Variants in ITPKB observed in about 807,000 individuals in gnomAD.
ITPKB encodes IP3 3-kinase B.
In ITPKB, 13 loss-of-function variants were observed where a neutral mutation model predicts 69.4. The observed-to-expected ratio is 0.19, with a 90% CI of 0.12 to 0.30. The LOEUF is 0.30. ITPKB is among the 10% of genes least tolerant of loss of function. The pLI, the probability that ITPKB is intolerant of heterozygous loss-of-function variation, is 1.00. For synonymous variants in ITPKB, 584 were observed against 513.7 expected (o/e 1.14, Z -1.85); for missense variants, 1,240 against 1,250.5 (o/e 0.99, Z 0.13).
intron 2 of ITPKB, among the ~76,000 whole-genome samples, chr1:226,725,375 G>A (rs991596165): frequency 6.6e-5 from 10 of 152,228 alleles, no homozygotes; most frequent in African/African-American, 2.2e-4. Context: ...CCAGCTCCGT[G>A]GAAAAGGAGG....
chr1:226,714,286 CCCTCTGTACAGTAA>C (rs1407247700), intron 2 of ITPKB, among the ~76,000 whole-genome samples: 4 of 152,236 alleles, frequency 2.6e-5, no homozygotes, highest in African/African-American at 9.6e-5. Flanking sequence ...TGTTCTCATT[CCCTCTGTACAGTAA>C]CCAGCACCAT....
Position 226,738,725 on chromosome 1 carries a change from C to A in ITPKB, c.-206+316G>T, listed in dbSNP as rs906071436. Among the ~76,000 whole-genome samples, 1 of 152,188 alleles carries A rather than the reference C, an allele frequency of 6.6e-6. No homozygotes were observed. Among genetic ancestry groups the A allele is most frequent in the Non-Finnish European group, 1.5e-5 (1 of 68,014 alleles). On this transcript the variant is annotated intron_variant, in intron 1 of 7. Coordinates refer to ENST00000429204, the MANE Select transcript of ITPKB (RefSeq NM_002221.4). The surrounding 1 kb of genome is among the most constrained non-coding windows in gnomAD (Gnocchi z 4.2). ...CGGAGCGCAGGGCTTCTCCGCATCCCGGGCAGCCTCGCCCGGCGCCAGCAG... is the reference window on the plus strand; with the variant it reads ...CGGAGCGCAGGGCTTCTCCGCATCCAGGGCAGCCTCGCCCGGCGCCAGCAG...
chr1:226,687,935 A>G (rs1307376278), intron 2 of ITPKB, among the ~76,000 whole-genome samples: 1 of 152,206 alleles, frequency 6.6e-6, no homozygotes, highest in Non-Finnish European at 1.5e-5. Context: ...CAGCTCCTAC[A>G]ACCTCAAGAG....
chr1:226,707,723 AAG>A, intron 2 of ITPKB: 1 of 1,046,482 alleles, frequency 9.6e-7, no homozygotes, highest in Non-Finnish European at 1.2e-6. Flanking sequence ...AAGGGACAGT[AAG>A]ACAATATCAA....
intron 2 of ITPKB, chr1:226,659,717 C>T (rs1669364385): frequency 6.6e-6 from 1 of 152,056 alleles, no homozygotes; most frequent in South Asian, 2.1e-4. Context: ...GGCACCTGCA[C>T]AGCAGACCTG....
At chr1:226,737,937 C>A (rs1044814835) in intron 1 of ITPKB, among the ~76,000 whole-genome samples, 1 of 152,188 alleles carries the variant, frequency 6.6e-6, no homozygotes, top group African/African-American at 2.4e-5. Context: ...TCCTAATACT[C>A]GTCTCGCGGA....
intron 2 of ITPKB, among the ~76,000 whole-genome samples, chr1:226,709,596 C>T (rs1455734676): frequency 1.3e-5 from 2 of 152,156 alleles, no homozygotes; most frequent in Non-Finnish European, 2.9e-5. Flanking sequence ...CCAACTTCCC[C>T]CCAACAAGAA....
chr1:226,634,607 C>G lies in ITPKB; in HGVS notation c.*64G>C. Reference sequence around the variant, plus strand: ...GTGTAAGTGAAGGAAAAGTTAGGAACGAGAAAGGAAGCACAGGAGGAGGAA... The same window carrying G: ...GTGTAAGTGAAGGAAAAGTTAGGAAGGAGAAAGGAAGCACAGGAGGAGGAA... On this transcript the variant is annotated 3_prime_UTR_variant, in exon 8 of 8. Coordinates refer to ENST00000429204, the MANE Select transcript of ITPKB (RefSeq NM_002221.4). This position sits in a 1 kb window ranked among gnomAD's most constrained non-coding sequence, Gnocchi z 6.3. The G allele has an allele frequency of 1.4e-6, 1 of 715,302 alleles. No homozygotes were observed. The highest frequency in any genetic ancestry group is 2.6e-6 in the Non-Finnish European group (1 of 381,826). The allele number at this position is 715,302 out of a possible 1,614,324, so 44.3% of individuals were successfully genotyped here.
intron 2 of ITPKB, among the ~76,000 whole-genome samples, chr1:226,726,377 G>A (rs1219241444): frequency 4.6e-5 from 7 of 152,218 alleles, no homozygotes; most frequent in African/African-American, 7.2e-5. Flanking sequence ...AAAAAGAGAA[G>A]GCCAGGCTCA....
At chr1:226,640,700 G>A (rs950692590) in intron 5 of ITPKB, among the ~76,000 whole-genome samples, 1 of 152,162 alleles carries the variant, frequency 6.6e-6, no homozygotes, top group African/African-American at 2.4e-5. Flanking sequence ...GCGTTAAGGA[G>A]AAGGCGGATG....
At chr1:226,701,582 C>A (rs1380791626) in intron 2 of ITPKB, among the ~76,000 whole-genome samples, 2 of 110,794 alleles carry the variant, frequency 1.8e-5, no homozygotes, top group Non-Finnish European at 3.3e-5. Context: ...CCAGCTTGGG[C>A]GAAAGAGTGA....
chr1:226,700,153 C>A (rs574661275), intron 2 of ITPKB, among the ~76,000 whole-genome samples: 1 of 152,114 alleles, frequency 6.6e-6, no homozygotes, highest in Admixed American at 6.5e-5. Context: ...TTGGTAACAC[C>A]GTCATAGACA....
chr1:226,727,500 C>G (rs561315327), intron 2 of ITPKB, among the ~76,000 whole-genome samples: 2 of 152,182 alleles, frequency 1.3e-5, no homozygotes, highest in East Asian at 3.8e-4. Flanking sequence ...ATCCTTCTCG[C>G]GGCAGGCTGA....
chr1:226,666,909 C>T (rs911902778), intron 2 of ITPKB, among the ~76,000 whole-genome samples: 3 of 152,176 alleles, frequency 2.0e-5, no homozygotes, highest in Non-Finnish European at 4.4e-5. Flanking sequence ...CCCACCAATG[C>T]GTCCCTTCAC....
chr1:226,653,609 A>G (rs896823924), intron 2 of ITPKB, among the ~76,000 whole-genome samples: 1 of 152,252 alleles, frequency 6.6e-6, no homozygotes, highest in African/African-American at 2.4e-5. Context: ...AGACACTTCT[A>G]GACTCCGGAT....
intron 4 of ITPKB, among the ~76,000 whole-genome samples, chr1:226,643,848 C>T (rs185841689): frequency 2.6e-5 from 4 of 152,328 alleles, no homozygotes; most frequent in Admixed American, 6.5e-5. Context: ...CACATAAACG[C>T]GGACTCCTGT....
At chr1:226,643,234 G>GCTGGGGGAGGTGGCGTGTCCCGGCAGCT (rs1173122529) in intron 4 of ITPKB, among the ~76,000 whole-genome samples, 4 of 152,082 alleles carry the variant, frequency 2.6e-5, no homozygotes, top group Non-Finnish European at 5.9e-5. Flanking sequence ...CTGGCCCTGA[G>GCTGGGGGAGGTGGCGTGTCCCGGCAGCT]CTGCCGGGAC....
At position 226,737,489 on chromosome 1, in the gene ITPKB, G is replaced by A. The variant is rs1349697871; in HGVS notation, c.-31C>T. On this transcript the variant is annotated 5_prime_UTR_variant, in exon 2 of 8. Transcript: ENST00000429204. ...TGGGTCCCGCGCTGCCCGCCGCCGC[G>A]GCTCCCGCTCCTGCTCCGCCGCCGG... The A allele has an allele frequency of 2.0e-6, 3 of 1,530,696 alleles. No homozygotes were observed. Among genetic ancestry groups the A allele is most frequent in the Non-Finnish European group, 1.7e-6 (2 of 1,143,520 alleles). The allele number at this position is 1,530,696 out of a possible 1,614,324, so 94.8% of individuals were successfully genotyped here.
At chr1:226,711,409 G>GAA (rs201998903) in intron 2 of ITPKB, among the ~76,000 whole-genome samples, 1 of 70,012 alleles carries the variant, frequency 1.4e-5, no homozygotes, top group Non-Finnish European at 3.1e-5. Context: ...TTTTGAAAGA[G>GAA]AGAGAGAGAG....
Sources: gnomAD v4.1 joint callset for allele counts (sites outside exome capture counted in the v4.1 genomes callset) on GRCh38, gnomAD v4.1.1 for gene constraint, Gnocchi (gnomAD v3.1) non-coding constraint, MANE v1.5 for transcripts, NCBI Gene and HGNC (gene_info 2026-07-23, HGNC 2026-07-21) for gene names.